The following CWF19L2 variants were observed in gnomAD, a reference collection of about 807,000 sequenced individuals.
CWF19L2 encodes CWF19-like protein 2.
In CWF19L2, 98 loss-of-function variants were observed where a neutral mutation model predicts 111.7. That is an observed-to-expected ratio of 0.88 (90% CI 0.75 to 1.04). The LOEUF is 1.04. Among genes scored for constraint, CWF19L2 ranks in the 50% least tolerant of loss-of-function variants. The pLI is 0.00. For synonymous variants in CWF19L2, 351 were observed against 342.9 expected, an observed-to-expected ratio of 1.02 and a Z score of -0.26; for missense variants, 1,101 against 1,051.4, an observed-to-expected ratio of 1.05 and a Z score of -0.65.
At chr11:107,406,745 T>C (rs529961858) in intron 10 of CWF19L2, among the ~76,000 whole-genome samples, 105 of 151,836 alleles carry the variant, frequency 6.9e-4, no homozygotes, top group Middle Eastern at 6.8e-3. Flanking sequence ...GAATAAACTC[T>C]TGGGTTTTTA....
chr11:107,363,591 G>C (rs2134561825), intron 12 of CWF19L2, among the ~76,000 whole-genome samples: 1 of 133,870 alleles, frequency 7.5e-6, no homozygotes, highest in African/African-American at 3.0e-5. Context: ...AAGTGAAGGA[G>C]AAATAAAATA....
At position 107,392,804 on chromosome 11, in the gene CWF19L2, T is replaced by C; in HGVS notation, c.1709A>G (p.Gln570Arg). 1.3e-6 allele frequency: 2 copies of C among 1,593,056 alleles called. No homozygotes were observed. The highest frequency in any genetic ancestry group is 1.1e-5 in the South Asian group (1 of 88,398). ...VNTPGKSLESQGGRRKRQMVS... is the reference protein window; with the variant it reads ...VNTPGKSLESRGGRRKRQMVS... The stretch of plus-strand genomic sequence containing the variant: ...CATCTGTCTCTTTCTTCTTCCTCCT[T>C]GTGATTCCAGAGATTTTCCGGGTGT... Residue 570 changes from glutamine to arginine, a missense_variant, in exon 11 of 18, where the codon CAA (glutamine) becomes CGA (arginine). By Grantham distance (43) the Gln-to-Arg change is conservative. Coordinates refer to ENST00000282251, the MANE Select transcript of CWF19L2 (RefSeq NM_152434.3).
At chr11:107,348,399 T>G (rs964097543) in intron 14 of CWF19L2, among the ~76,000 whole-genome samples, 1 of 152,126 alleles carries the variant, frequency 6.6e-6, no homozygotes, top group Non-Finnish European at 1.5e-5. Flanking sequence ...TCTTAAAGCA[T>G]CAGCCACAAA....
At chr11:107,408,278 G>T (rs1861109105) in intron 10 of CWF19L2, among the ~76,000 whole-genome samples, 1 of 151,914 alleles carries the variant, frequency 6.6e-6, no homozygotes, top group East Asian at 1.9e-4. Flanking sequence ...AGATCTCAAG[G>T]ATATACAGAA....
In CWF19L2 at chr11:107,443,057, C is replaced by T. The variant is rs1230771722; in HGVS notation, c.340-8G>A. On this transcript the variant is annotated splice_region_variant and splice_polypyrimidine_tract_variant and intron_variant, in intron 3 of 17. Transcript: ENST00000282251. ...CCACTCATCTTCAGAGCTCTAAGAA[C>T]ATTTAGCATATAAGTGAAATTGTCA... is the stretch of plus-strand genomic sequence containing the variant. 1.3e-6 allele frequency: 2 copies of T among 1,508,864 alleles called. No individual in the cohort carries two copies. Among genetic ancestry groups the T allele is most frequent in the Admixed American group, 2.0e-5 (1 of 50,878 alleles). 93.5% of individuals were successfully genotyped at this position (1,508,864 alleles called of 1,614,324 possible).
chr11:107,333,357 A>T (rs10890719), intron 16 of CWF19L2, among the ~76,000 whole-genome samples: 36,185 of 152,138 alleles, frequency 0.24, 4,630 homozygotes, highest in Non-Finnish European at 0.29. Context: ...GAAACAAATA[A>T]TAAGATACTA....
chr11:107,333,315 TTA>T (rs1414104574), intron 16 of CWF19L2, among the ~76,000 whole-genome samples: 1 of 152,172 alleles, frequency 6.6e-6, no homozygotes, highest in Non-Finnish European at 1.5e-5. Flanking sequence ...TCCTGGCTAC[TTA>T]ATTCAGGTAC....
At chr11:107,441,795 C>T (rs1325767229) in intron 4 of CWF19L2, among the ~76,000 whole-genome samples, 173 bp from the exon 5 acceptor site, 1 of 152,218 alleles carries the variant, frequency 6.6e-6, no homozygotes, top group African/African-American at 2.4e-5. Flanking sequence ...TCTCTCTATA[C>T]TTTAGTCTCT....
intron 3 of CWF19L2, among the ~76,000 whole-genome samples, chr11:107,447,550 C>T (rs1394065670): frequency 6.6e-6 from 1 of 152,194 alleles, no homozygotes; most frequent in Non-Finnish European, 1.5e-5. Context: ...AGAGAACCCA[C>T]AAAGGTCATG....
intron 8 of CWF19L2, among the ~76,000 whole-genome samples, chr11:107,424,127 G>C (rs1330454643): frequency 1.3e-5 from 2 of 150,842 alleles, no homozygotes; most frequent in African/African-American, 2.4e-5. Flanking sequence ...AAGTCATTAA[G>C]AAATAATTCC....
intron 12 of CWF19L2, among the ~76,000 whole-genome samples, chr11:107,362,368 G>A (rs1860364651): frequency 1.3e-5 from 2 of 151,940 alleles, no homozygotes; most frequent in South Asian, 2.1e-4. Context: ...ACCTCTGGGG[G>A]CAGGGCACAA....
At chr11:107,360,842 T>C (rs1236599982) in intron 12 of CWF19L2, among the ~76,000 whole-genome samples, 2 of 152,356 alleles carry the variant, frequency 1.3e-5, no homozygotes, top group Admixed American at 1.3e-4. Context: ...TATTTGTTGT[T>C]GTTGCTGAAT....
rs1312669711 is a variant in CWF19L2, at chr11:107,373,077, G to T, written c.1872+16997C>A. On this transcript the variant is annotated intron_variant, in intron 12 of 17. Coordinates refer to ENST00000282251, the MANE Select transcript of CWF19L2 (RefSeq NM_152434.3). ...CGCTTTTCAGACCGGCTTAAAAAAC[G>T]GCACACTACGAGATTATATCCCGCA... Among the ~76,000 whole-genome samples, 2 of 55,118 alleles carry T rather than the reference G, an allele frequency of 3.6e-5. 1 individual carries two copies. The highest frequency in any genetic ancestry group is 6.8e-5 in the Non-Finnish European group (2 of 29,240). 36.2% of individuals were successfully genotyped at this position (55,118 alleles called of 152,430 possible).
intron 10 of CWF19L2, among the ~76,000 whole-genome samples, chr11:107,402,653 A>C (rs1409670082): frequency 1.3e-5 from 2 of 151,990 alleles, no homozygotes; most frequent in East Asian, 3.9e-4. Context: ...TAGTACAGCC[A>C]CTATGGAAAA....
intron 3 of CWF19L2, among the ~76,000 whole-genome samples, chr11:107,452,580 G>A (rs1861792770): frequency 1.3e-5 from 2 of 152,090 alleles, no homozygotes; most frequent in Admixed American, 1.3e-4. Flanking sequence ...AACAAATGAT[G>A]CTAGAAAAAC....
chr11:107,342,477 T>C (rs991203083), intron 14 of CWF19L2, among the ~76,000 whole-genome samples: 2 of 152,166 alleles, frequency 1.3e-5, no homozygotes, highest in Non-Finnish European at 2.9e-5. Context: ...TGATTATCTT[T>C]CTGTTATTAA....
intron 12 of CWF19L2, among the ~76,000 whole-genome samples, chr11:107,382,502 A>G (rs1012620839): frequency 6.6e-6 from 1 of 152,218 alleles, no homozygotes; most frequent in African/African-American, 2.4e-5. Context: ...TCCCTTTCCA[A>G]ATCTAAAATT....
intron 12 of CWF19L2, among the ~76,000 whole-genome samples, chr11:107,370,461 G>A (rs1442631894): frequency 7.5e-6 from 1 of 133,072 alleles, no homozygotes; most frequent in East Asian, 2.3e-4. Context: ...CCTCACAAAA[G>A]ATTTGAGAAT....
intron 10 of CWF19L2, among the ~76,000 whole-genome samples, chr11:107,409,530 A>G (rs528985724): frequency 6.6e-6 from 1 of 152,256 alleles, no homozygotes; most frequent in East Asian, 1.9e-4. Flanking sequence ...CTTTTCTTAT[A>G]AAGTACAAAG....
Sources: allele counts gnomAD v4.1 joint callset (sites outside exome capture counted in the v4.1 genomes callset), GRCh38; gene constraint gnomAD v4.1.1; transcripts MANE v1.5; gene names NCBI Gene and HGNC (gene_info 2026-07-23, HGNC 2026-07-21).